The following BBS2 variants were observed in gnomAD, a reference collection of about 807,000 sequenced individuals.
BBS2 encodes the protein Bardet-Biedl syndrome 2.
BBS2 carries 62 observed loss-of-function variants against 83.0 expected under a neutral mutation model. That is an observed-to-expected ratio of 0.75 (90% CI 0.61 to 0.92). The LOEUF (loss-of-function observed/expected upper bound fraction) is 0.92. Ranked by LOEUF, BBS2 falls within the 40% of genes least tolerant of loss-of-function variation. BBS2 has a pLI of 0.00. For missense variants in BBS2, 784 were observed against 901.0 expected (o/e 0.87, Z 1.66); for synonymous variants, 303 against 326.1 (o/e 0.93, Z 0.76).
At chr16:56,511,738 A>G (rs996437271) in intron 2 of BBS2, among the ~76,000 whole-genome samples, 24 of 152,314 alleles carry the variant, frequency 1.6e-4, no homozygotes, top group Middle Eastern at 3.4e-3. Context: ...GTTTCTCTGG[A>G]GAACCCTGAC....
At position 56,500,883 on chromosome 16, in the gene BBS2, G is replaced by A. The variant is rs2144143152; in HGVS notation, c.1368C>T (p.His456=). 4 of 1,614,178 alleles carry A rather than the reference G, an allele frequency of 2.5e-6. No homozygotes were observed. The highest frequency in any genetic ancestry group is 2.2e-5 in the South Asian group (2 of 91,088). The change falls in exon 11 of 17, where the codon CAC becomes CAT. Residue 456 remains histidine, a synonymous_variant. Coordinates refer to ENST00000245157, the MANE Select transcript of BBS2 (RefSeq NM_031885.5). The stretch of plus-strand genomic sequence containing the variant: ...TTCTGTAACCCACGAATGCCTTCAA[G>A]TGCAGATCCACAGGGACATCTTTGG... ...VPPKDVPVDL[H]LKAFVGYRSS...
At chr16:56,500,714 G>A in intron 11 of BBS2, 140 bp downstream of exon 11, 1 of 790,576 alleles carries the variant, frequency 1.3e-6, no homozygotes, top group Non-Finnish European at 2.0e-6. Flanking sequence ...GAAATAAAAG[G>A]TCATGAGAAA....
chr16:56,472,673 T>C (rs1239971386), intron 17 of BBS2, among the ~76,000 whole-genome samples: 1 of 152,222 alleles, frequency 6.6e-6, no homozygotes, highest in Non-Finnish European at 1.5e-5. Flanking sequence ...CAAGTGGCCA[T>C]ATTAGCATTT....
Position 56,498,568 on chromosome 16 carries a change from C to T in BBS2, c.1528G>A (p.Val510Ile), listed in dbSNP as rs766098919. 1 of 1,613,878 alleles carries T rather than the reference C, an allele frequency of 6.2e-7. No homozygotes were observed. Among genetic ancestry groups the T allele is most frequent in the Non-Finnish European group, 8.5e-7 (1 of 1,179,976 alleles). Reference protein sequence around the residue: ...NFTIAERAQRVVVWLGQNFLL... With the variant: ...NFTIAERAQRIVVWLGQNFLL... Reference sequence around the variant, plus strand: ...AAGTTCTGACCGAGCCATACAACAACCTTGAAAATGAACACAATGAAATGA... The same window carrying T: ...AAGTTCTGACCGAGCCATACAACAATCTTGAAAATGAACACAATGAAATGA... Residue 510 changes from valine to isoleucine, a missense_variant and splice_region_variant, in exon 13 of 17, where the codon GTT (valine) becomes ATT (isoleucine). Val to Ile is a conservative substitution (Grantham distance 29, BLOSUM62 3). Coordinates refer to ENST00000245157, the MANE Select transcript of BBS2 (RefSeq NM_031885.5).
chr16:56,514,477 A>C lies in BBS2; in HGVS notation c.321T>G (p.Asn107Lys). The change falls in exon 2 of 17, where the codon AAT becomes AAG. Residue 107 changes from asparagine (N) to lysine (K), a missense_variant. Coordinates refer to ENST00000245157, the MANE Select transcript of BBS2 (RefSeq NM_031885.5). Reference protein sequence around the residue: ...QTNLLAYDVYNNSDLFYREVA... With the variant: ...QTNLLAYDVYKNSDLFYREVA... ...CCTCTCTGTAGAACAAATCCGAATT[A>C]TTGTAGACATCATAAGCCAAAAGAT... is the stretch of plus-strand genomic sequence containing the variant. 1 of 1,614,166 alleles carries C rather than the reference A, an allele frequency of 6.2e-7. No homozygotes were observed. The highest frequency in any genetic ancestry group is 8.5e-7 in the Non-Finnish European group (1 of 1,179,996).
intron 1 of BBS2, among the ~76,000 whole-genome samples, chr16:56,515,333 A>T (rs1025740521): frequency 2.0e-5 from 3 of 152,212 alleles, no homozygotes; most frequent in Non-Finnish European, 1.5e-5. Flanking sequence ...ACCTGTAAAA[A>T]GGAGGTTTGG....
intron 15 of BBS2, among the ~76,000 whole-genome samples, chr16:56,487,654 C>T: frequency 6.6e-6 from 1 of 152,184 alleles, no homozygotes; most frequent in East Asian, 1.9e-4. Flanking sequence ...CAAGACCAAA[C>T]ATCACTGCAG....
At position 56,506,018 on chromosome 16, in the gene BBS2, T is replaced by A. The variant is rs1964412714; in HGVS notation, c.736A>T (p.Ser246Cys). 6.2e-7 allele frequency: 1 copy of A among 1,613,896 alleles called. No homozygotes were observed. Among genetic ancestry groups the A allele is most frequent in the Non-Finnish European group, 8.5e-7 (1 of 1,179,888 alleles). The change falls in exon 7 of 17, where the codon AGC becomes TGC. Residue 246 changes from serine to cysteine, a missense_variant. Physicochemically the swap from Ser to Cys is moderately radical, Grantham distance 112. Coordinates refer to ENST00000245157, the MANE Select transcript of BBS2 (RefSeq NM_031885.5). ...WRIKSKNHAM[S>C]IHAFDLNSDG... ...GAATTAAGGTCAAAAGCATGAATGC[T>A]CATGGCATGATTTTTCGACTGAAAA...
chr16:56,515,852 G>A (rs1429517037), intron 1 of BBS2, among the ~76,000 whole-genome samples: 3 of 152,190 alleles, frequency 2.0e-5, no homozygotes, highest in Non-Finnish European at 2.9e-5. Context: ...GGTCGGAAGA[G>A]TTAAGGCCCT....
chr16:56,492,160 G>T (rs554126390), intron 15 of BBS2, among the ~76,000 whole-genome samples: 2 of 151,754 alleles, frequency 1.3e-5, no homozygotes, highest in African/African-American at 4.8e-5. Context: ...TCACTTCCGG[G>T]TATTTATCCA....
intron 17 of BBS2, chr16:56,475,457 G>T: frequency 1.3e-6 from 2 of 1,539,806 alleles, no homozygotes; most frequent in South Asian, 2.2e-5. Flanking sequence ...TAGATGGTGC[G>T]ACTCTTTCAA....
intron 17 of BBS2, among the ~76,000 whole-genome samples, chr16:56,474,403 C>T (rs1963356839): frequency 6.6e-6 from 1 of 151,234 alleles, no homozygotes; most frequent in Admixed American, 6.6e-5. Context: ...TTACCACAAC[C>T]TCTGCCACCC....
At chr16:56,490,130 A>ACACG (rs1555520678) in intron 15 of BBS2, among the ~76,000 whole-genome samples, 5 of 86,796 alleles carry the variant, frequency 5.8e-5, no homozygotes, top group African/African-American at 2.9e-4. Flanking sequence ...ACACACACGC[A>ACACG]CACACACACA....
chr16:56,502,723 T>A lies in BBS2; in HGVS notation c.890A>T (p.Tyr297Phe), dbSNP rs1327630726. The A allele has an allele frequency of 1.2e-6, 2 of 1,614,086 alleles. No individual in the cohort carries two copies. The highest frequency in any genetic ancestry group is 1.7e-6 in the Non-Finnish European group (2 of 1,180,048). Reference sequence around the variant, plus strand: ...TAACTGTATGTGGCCATCCATCCGGTAATCTCCCTCTACCACACCGGCAAT... The same window carrying A: ...TAACTGTATGTGGCCATCCATCCGGAAATCTCCCTCTACCACACCGGCAAT... ...SAIAGVVEGD[Y>F]RMDGHIQLIC... The change falls in exon 8 of 17, where the codon TAC becomes TTC. Residue 297 changes from tyrosine (Y) to phenylalanine (F), a missense_variant. Transcript: ENST00000245157.
At chr16:56,476,280 T>C in intron 17 of BBS2, 1 of 1,417,164 alleles carries the variant, frequency 7.1e-7, no homozygotes, top group South Asian at 1.3e-5. Flanking sequence ...AAGCATGGAG[T>C]CAAGGAGAAC....
rs955255346 is a variant in BBS2 at position 56,475,992 on chromosome 16, A to G, written c.*1-5297T>C. 4.2e-5 allele frequency: 63 copies of G among 1,507,076 alleles called. No homozygotes were observed. The Middle Eastern group carries it at 7.0e-4, about 17-fold the overall frequency. 93.4% of individuals were successfully genotyped at this position (1,507,076 alleles called of 1,614,324 possible). A position where few individuals can be genotyped will look rare whatever the true frequency, so the allele number is the denominator to read the frequency against. On this transcript the variant is annotated intron_variant, in intron 17 of 17. Coordinates refer to the BBS2 transcript ENST00000682047. ...TCTGTTCCATGGTTAATCATCCAAG[A>G]TTTGAGAATAAGTTCTGTGTTCTGA...
chr16:56,478,311 T>C (rs1281802239), intron 17 of BBS2: 1 of 152,056 alleles, frequency 6.6e-6, no homozygotes, highest in African/African-American at 2.4e-5. Context: ...GGCACCTGCC[T>C]CCATACCCAG....
rs533830960 is a variant in BBS2, at chr16:56,476,199, T to C, written c.*1-5504A>G. The C allele has an allele frequency of 5.6e-6, 9 of 1,611,098 alleles. No homozygotes were observed. The East Asian group carries it at 2.0e-4, about 36-fold the overall frequency. The stretch of plus-strand genomic sequence containing the variant: ...TCTGGGACTTTTCATTCATCTATTA[T>C]GAATGACAGCACTGGGCAAAGCTGA... On this transcript the variant is annotated intron_variant, in intron 17 of 17. Transcript: ENST00000682047.
At chr16:56,480,376 A>AACAAAAAAAAAC (rs1555519804), downstream of BBS2, among the ~76,000 whole-genome samples, 294 of 142,454 alleles carry the variant, frequency 2.1e-3, 9 homozygotes, top group East Asian at 0.041. Context: ...CAAAAAAAAA[A>AACAAAAAAAAAC]ACAAAGCTTG....
Sources: allele counts gnomAD v4.1 joint callset (sites outside exome capture counted in the v4.1 genomes callset), GRCh38; gene constraint gnomAD v4.1.1; transcripts MANE v1.5; gene names NCBI Gene and HGNC (gene_info 2026-07-23, HGNC 2026-07-21).